Variants in PPP1R9A observed in about 807,000 individuals in gnomAD.
PPP1R9A encodes neurabin-1.
A neutral mutation model predicts 141.9 loss-of-function variants in PPP1R9A; 59 were observed. That is an observed-to-expected ratio of 0.42 (90% CI 0.34 to 0.52). The LOEUF (loss-of-function observed/expected upper bound fraction) is 0.52. Ranked by LOEUF, PPP1R9A falls within the 20% of genes least tolerant of loss-of-function variation. The probability of loss-of-function intolerance (pLI) is 0.10; values close to 1 mark genes in which losing one functional copy is unlikely to be tolerated. For synonymous variants in PPP1R9A, 500 were observed against 569.7 expected (o/e 0.88, Z 1.74); for missense variants, 1,444 against 1,611.9 (o/e 0.90, Z 1.78).
At chr7:94,958,470 A>G (rs1797291759) in intron 2 of PPP1R9A, among the ~76,000 whole-genome samples, 1 of 152,084 alleles carries the variant, frequency 6.6e-6, no homozygotes, top group African/African-American at 2.4e-5. Flanking sequence ...AGGTACAGAA[A>G]AAATATTCAC....
chr7:95,075,875 G>A (rs1249424422), intron 2 of PPP1R9A, among the ~76,000 whole-genome samples: 1 of 152,064 alleles, frequency 6.6e-6, no homozygotes, highest in Admixed American at 6.6e-5. Context: ...ACAAAGGAAA[G>A]GGGTTTGGGG....
chr7:95,067,535 A>C (rs1172009479), intron 2 of PPP1R9A, among the ~76,000 whole-genome samples: 4 of 152,202 alleles, frequency 2.6e-5, no homozygotes, highest in Admixed American at 6.5e-5. Flanking sequence ...ATAGTTAACA[A>C]AAATTTGTGT....
intron 6 of PPP1R9A, among the ~76,000 whole-genome samples, chr7:95,201,726 G>GATTAATATATTAATCAATAT (rs1288895723): frequency 6.6e-6 from 1 of 152,114 alleles, no homozygotes; most frequent in Admixed American, 6.5e-5. Context: ...ACAATTTATT[G>GATTAATATATTAATCAATAT]ATTAGTATAT....
intron 8 of PPP1R9A, among the ~76,000 whole-genome samples, chr7:95,231,692 A>G (rs948295549): frequency 2.6e-5 from 4 of 152,096 alleles, no homozygotes; most frequent in Non-Finnish European, 5.9e-5. Flanking sequence ...TATTCGAACT[A>G]TATGATAATA....
At chr7:95,217,232 G>A (rs1345698193) in intron 7 of PPP1R9A, among the ~76,000 whole-genome samples, 1 of 152,104 alleles carries the variant, frequency 6.6e-6, no homozygotes, top group Non-Finnish European at 1.5e-5. Context: ...TAATCATGTG[G>A]TTTTTGTCTT....
At chr7:95,289,989 C>T in intron 19 of PPP1R9A, 102 bp from the exon 20 acceptor site, 2 of 1,515,518 alleles carry the variant, frequency 1.3e-6, no homozygotes. Flanking sequence ...CTTACCTCTT[C>T]AATGTTTGAA....
chr7:94,988,467 G>A (rs1354064071), intron 2 of PPP1R9A, among the ~76,000 whole-genome samples: 1 of 151,932 alleles, frequency 6.6e-6, no homozygotes, highest in Non-Finnish European at 1.5e-5. Flanking sequence ...GACACTGTGT[G>A]TATTTAAGTA....
At chr7:95,148,249 AAGTC>A (rs1828001258) in intron 4 of PPP1R9A, among the ~76,000 whole-genome samples, 1 of 152,182 alleles carries the variant, frequency 6.6e-6, no homozygotes, top group South Asian at 2.1e-4. Context: ...TCAGTAGAGA[AAGTC>A]AGTAACACCA....
rs748791147 is a variant in PPP1R9A, at chr7:95,273,945, G to A, written c.3171G>A (p.Ala1057=). Residue 1057 remains alanine (A), a synonymous_variant, in exon 15 of 20, where the codon GCG becomes GCA. Transcript: ENST00000433360. ...PKSLRASSSL[A]VQGGKIKRKF... ...CACTAAGGGCATCCAGTTCATTGGC[G>A]GTGCAAGGAGGAAAAATTAAGCGGA... The A allele has an allele frequency of 8.0e-5, 121 of 1,505,124 alleles. 1 individual carries two copies. In the Admixed American group the frequency reaches 1.3e-3, roughly 16 times the overall value. The allele number at this position is 1,505,124 out of a possible 1,614,324, so 93.2% of individuals were successfully genotyped here.
intron 2 of PPP1R9A, among the ~76,000 whole-genome samples, chr7:94,940,612 T>C (rs1258679203): frequency 6.6e-6 from 1 of 152,044 alleles, no homozygotes; most frequent in Non-Finnish European, 1.5e-5. Flanking sequence ...TGTTAGCCTC[T>C]AGAGTTCTTA....
intron 2 of PPP1R9A, among the ~76,000 whole-genome samples, chr7:95,076,493 C>G (rs539157608): frequency 2.0e-5 from 3 of 152,222 alleles, no homozygotes; most frequent in East Asian, 3.9e-4. Flanking sequence ...TCTGGACTCT[C>G]TGTTTCATCA....
At chr7:95,176,986 C>G (rs111622766) in intron 5 of PPP1R9A, among the ~76,000 whole-genome samples, 47 of 152,122 alleles carry the variant, frequency 3.1e-4, no homozygotes, top group Admixed American at 1.6e-3. Flanking sequence ...TTGCTAGAGA[C>G]CTAGACATCA....
At chr7:94,976,912 T>G (rs1427490210) in intron 2 of PPP1R9A, among the ~76,000 whole-genome samples, 1 of 152,172 alleles carries the variant, frequency 6.6e-6, no homozygotes, top group Non-Finnish European at 1.5e-5. Context: ...ATATTCTTGC[T>G]GGGGATCTAG....
chr7:94,999,868 C>G (rs578012598), intron 2 of PPP1R9A, among the ~76,000 whole-genome samples: 3 of 151,866 alleles, frequency 2.0e-5, no homozygotes, highest in Admixed American at 1.3e-4. Context: ...GTGGCATGAT[C>G]TTAGCTCTTG....
intron 2 of PPP1R9A, among the ~76,000 whole-genome samples, chr7:95,000,660 A>G (rs1802796757): frequency 6.6e-6 from 1 of 151,946 alleles, no homozygotes; most frequent in African/African-American, 2.4e-5. Flanking sequence ...ATTTTTATGC[A>G]TATTATTTTG....
chr7:95,042,063 A>C (rs985406539), intron 2 of PPP1R9A, among the ~76,000 whole-genome samples: 3 of 152,120 alleles, frequency 2.0e-5, no homozygotes, highest in Non-Finnish European at 2.9e-5. Flanking sequence ...GCCCTTGGGC[A>C]ATAGGTTTTA....
At chr7:95,009,893 G>T (rs988947404) in intron 2 of PPP1R9A, among the ~76,000 whole-genome samples, 2 of 152,066 alleles carry the variant, frequency 1.3e-5, no homozygotes, top group African/African-American at 2.4e-5. Context: ...AGTTCCTCAG[G>T]TTTTGTAGGC....
At chr7:95,010,146 C>G (rs1804205887) in intron 2 of PPP1R9A, among the ~76,000 whole-genome samples, 1 of 152,086 alleles carries the variant, frequency 6.6e-6, no homozygotes, top group African/African-American at 2.4e-5. Context: ...AATCCCAGCA[C>G]TTTAGGGGGC....
At chr7:94,928,030 T>G (rs956151070) in intron 2 of PPP1R9A, among the ~76,000 whole-genome samples, 1 of 152,200 alleles carries the variant, frequency 6.6e-6, no homozygotes, top group Non-Finnish European at 1.5e-5. Flanking sequence ...AACTTTGATA[T>G]AGCAGCTTGC....
Sources: gnomAD v4.1 joint callset for allele counts (sites outside exome capture counted in the v4.1 genomes callset) on GRCh38, gnomAD v4.1.1 for gene constraint, MANE v1.5 for transcripts, NCBI Gene and HGNC (gene_info 2026-07-23, HGNC 2026-07-21) for gene names.